The following REC114 variants were observed in gnomAD, a reference collection of about 807,000 sequenced individuals.
REC114 encodes meiotic recombination protein REC114.
In REC114, 27 loss-of-function variants were observed where a neutral mutation model predicts 31.3. That is an observed-to-expected ratio of 0.86 (90% CI 0.64 to 1.19). REC114 has a LOEUF of 1.19. Ranked by LOEUF, REC114 falls within the 50% of genes most tolerant of loss-of-function variation. REC114 has a pLI of 0.00. For missense variants in REC114, 344 were observed against 326.9 expected (o/e 1.05, Z -0.40); for synonymous variants, 134 against 127.7 (o/e 1.05, Z -0.33).
intron 2 of REC114, among the ~76,000 whole-genome samples, chr15:73,497,885 T>G (rs932270269): frequency 1.3e-5 from 2 of 152,188 alleles, no homozygotes; most frequent in Admixed American, 6.5e-5. Flanking sequence ...CAGAGCAGCA[T>G]TTATTTTCAC....
At chr15:73,475,761 C>T (rs1265706624) in intron 2 of REC114, among the ~76,000 whole-genome samples, 2 of 152,048 alleles carry the variant, frequency 1.3e-5, no homozygotes, top group Non-Finnish European at 2.9e-5. Flanking sequence ...TAACAATACA[C>T]ACTTAATTAG....
rs1023639026 is a variant in REC114 at position 73,476,001 on chromosome 15, G to A, written c.249+2080G>A. Among the ~76,000 whole-genome samples the A allele has an allele frequency of 6.6e-5, 10 of 152,050 alleles. No homozygotes were observed. The South Asian group carries it at 1.7e-3, about 25-fold the overall frequency. ...TACGGTTGCCTACAGGGTTCAGTAC[G>A]GTAACATGCTTTACAGGTTTGTAGC... On this transcript the variant is annotated intron_variant, in intron 2 of 5. Coordinates refer to ENST00000331090, the MANE Select transcript of REC114 (RefSeq NM_001042367.2).
intron 2 of REC114, among the ~76,000 whole-genome samples, chr15:73,520,376 G>A (rs369431889): frequency 1.2e-4 from 18 of 152,138 alleles, no homozygotes; most frequent in East Asian, 1.2e-3. Context: ...GATTACAGGC[G>A]TGTGCCACCA....
At chr15:73,473,376 T>A (rs559155948) in intron 1 of REC114, among the ~76,000 whole-genome samples, 1 of 150,384 alleles carries the variant, frequency 6.6e-6, no homozygotes, top group Non-Finnish European at 1.5e-5. Context: ...GCAACAAGAG[T>A]GAAACTCTGT....
In REC114 at chr15:73,504,306, A is replaced by G. The variant is rs1014736451; in HGVS notation, c.249+30385A>G. 2.6e-5 allele frequency among the ~76,000 whole-genome samples: 4 copies of G among 152,044 alleles called. No homozygotes were observed. In the East Asian group the frequency reaches 5.8e-4, roughly 22 times the overall value. On this transcript the variant is annotated intron_variant, in intron 2 of 5. Coordinates refer to ENST00000331090, the MANE Select transcript of REC114 (RefSeq NM_001042367.2). ...GCGTGAGCCACTGCGCCCGGCCTGAAATATTTTTATATTTCTTTGTTTTTC... is the reference window on the plus strand; with the variant it reads ...GCGTGAGCCACTGCGCCCGGCCTGAGATATTTTTATATTTCTTTGTTTTTC...
At chr15:73,501,985 G>T (rs1893609216) in intron 2 of REC114, among the ~76,000 whole-genome samples, 1 of 151,968 alleles carries the variant, frequency 6.6e-6, no homozygotes. Context: ...TTGCATTGTG[G>T]AAAATGCAAC....
intron 2 of REC114, among the ~76,000 whole-genome samples, chr15:73,475,079 A>C (rs757665526): frequency 3.3e-5 from 5 of 152,188 alleles, no homozygotes; most frequent in Non-Finnish European, 5.9e-5. Context: ...GTGCACAGTT[A>C]GTTCTCCCTG....
At position 73,521,854 on chromosome 15, in the gene REC114, A is replaced by T. The variant is rs74026206; in HGVS notation, c.250-18631A>T. 9.1e-3 allele frequency among the ~76,000 whole-genome samples: 1,381 copies of T among 152,314 alleles called. 19 individuals are homozygous for T. The highest frequency in any genetic ancestry group is 0.031 in the African/African-American group (1,300 of 41,576). Reference sequence around the variant, plus strand: ...TTTCCACAAAGAAAACTGTAGGCCCATGTAACTTGTCTGGTGAATTCCTTC... The same window carrying T: ...TTTCCACAAAGAAAACTGTAGGCCCTTGTAACTTGTCTGGTGAATTCCTTC... On this transcript the variant is annotated intron_variant, in intron 2 of 5. Coordinates refer to ENST00000331090, the MANE Select transcript of REC114 (RefSeq NM_001042367.2).
chr15:73,474,788 C>T (rs1893188175), intron 2 of REC114, among the ~76,000 whole-genome samples: 1 of 152,128 alleles, frequency 6.6e-6, no homozygotes, highest in Non-Finnish European at 1.5e-5. Flanking sequence ...ATTTAAAAGA[C>T]ATTAATTCTT....
At chr15:73,446,955 T>C (rs1022403219) in intron 1 of REC114, among the ~76,000 whole-genome samples, 1 of 152,160 alleles carries the variant, frequency 6.6e-6, no homozygotes, top group African/African-American at 2.4e-5. Context: ...TATTGCAGTG[T>C]TATAGGCAAG....
At chr15:73,547,561 A>G (rs1894327353) in intron 3 of REC114, among the ~76,000 whole-genome samples, 1 of 152,206 alleles carries the variant, frequency 6.6e-6, no homozygotes, top group Non-Finnish European at 1.5e-5. Context: ...CCCAAAAGAA[A>G]GGAAATCAAT....
intron 4 of REC114, among the ~76,000 whole-genome samples, chr15:73,555,893 T>C (rs2141338527): frequency 6.6e-6 from 1 of 152,346 alleles, no homozygotes; most frequent in Admixed American, 6.5e-5. Flanking sequence ...AGCAATAATT[T>C]TTAGAGTGTG....
At position 73,559,996 on chromosome 15, in the gene REC114, TAAAG is replaced by T. The variant is rs1204119283; in HGVS notation, c.*82_*85del. ...CCTAAAATTAAAGAAGATATTAGAA[TAAAG>T]AGTATTATCCAAACACCTTTTATCA... On this transcript the variant is annotated 3_prime_UTR_variant, in exon 6 of 6. Transcript: ENST00000331090. 2 of 1,323,498 alleles carry T rather than the reference TAAAG, an allele frequency of 1.5e-6. No individual in the cohort carries two copies. Among genetic ancestry groups the T allele is most frequent in the Non-Finnish European group, 2.1e-6 (2 of 968,612 alleles). 82.0% of individuals were successfully genotyped at this position (1,323,498 alleles called of 1,614,324 possible).
intron 2 of REC114, among the ~76,000 whole-genome samples, chr15:73,539,457 CTTTTTT>C (rs58815458): frequency 0.16 from 16,293 of 104,106 alleles, 1,341 homozygotes; most frequent in East Asian, 0.29. Context: ...CGCCCGGCTA[CTTTTTT>C]TTTTTTTTTT....
At chr15:73,444,003 A>G (rs1892732948) in intron 1 of REC114, among the ~76,000 whole-genome samples, 1 of 152,196 alleles carries the variant, frequency 6.6e-6, no homozygotes, top group African/African-American at 2.4e-5. Flanking sequence ...ACTGTACTGT[A>G]GTCTATTAAC....
intron 2 of REC114, among the ~76,000 whole-genome samples, chr15:73,481,283 T>C (rs1893290162): frequency 1.3e-5 from 2 of 152,126 alleles, no homozygotes. Flanking sequence ...TGCCACTCCC[T>C]GTGAGATCCA....
chr15:73,530,525 A>G (rs115285221), intron 2 of REC114, among the ~76,000 whole-genome samples: 1,644 of 152,220 alleles, frequency 0.011, 36 homozygotes, highest in African/African-American at 0.038. Flanking sequence ...GTGCATGCCT[A>G]TGGTCCCAGC....
intron 2 of REC114, among the ~76,000 whole-genome samples, chr15:73,512,203 CTTCT>C: frequency 8.3e-6 from 1 of 121,038 alleles, no homozygotes; most frequent in East Asian, 2.3e-4. Flanking sequence ...ATGTAATGGC[CTTCT>C]TTGTCTCTTT....
chr15:73,462,079 C>T (rs1892997598), intron 1 of REC114, among the ~76,000 whole-genome samples: 3 of 151,476 alleles, frequency 2.0e-5, no homozygotes, highest in Admixed American at 2.0e-4. Context: ...TTACAGGCAC[C>T]TACCACCATG....
Sources: gnomAD v4.1 joint callset for allele counts (sites outside exome capture counted in the v4.1 genomes callset) on GRCh38, gnomAD v4.1.1 for gene constraint, MANE v1.5 for transcripts, NCBI Gene and HGNC (gene_info 2026-07-23, HGNC 2026-07-21) for gene names.